CADM2: variants seen among roughly 807,000 people sequenced by gnomAD.
The protein encoded by CADM2 is immunoglobulin superfamily member 4D.
In CADM2, 12 loss-of-function variants were observed where a neutral mutation model predicts 49.8. The ratio of observed to expected loss-of-function variants is 0.24; its 90% CI spans 0.15 to 0.39. The LOEUF (loss-of-function observed/expected upper bound fraction) is 0.39, where lower values mean the gene tolerates loss of function less well. CADM2 is among the 10% of genes least tolerant of loss of function. The pLI is 1.00. For missense variants in CADM2, 378 were observed against 492.3 expected, an observed-to-expected ratio of 0.77 and a Z score of 2.20; for synonymous variants, 214 against 175.4, an observed-to-expected ratio of 1.22 and a Z score of -1.74.
chr3:85,278,564 C>T (rs2043414793), intron 1 of CADM2, among the ~76,000 whole-genome samples: 1 of 151,332 alleles, frequency 6.6e-6, no homozygotes, highest in African/African-American at 2.4e-5. Context: ...TGAGGGCACA[C>T]ATATTATTTT....
intron 3 of CADM2, among the ~76,000 whole-genome samples, chr3:85,821,907 A>G (rs563951180): frequency 9.2e-5 from 14 of 152,314 alleles, no homozygotes; most frequent in South Asian, 6.2e-4. Context: ...GTATTTGTTG[A>G]GTGTGGATAT....
chr3:85,232,361 A>G (rs2042313538), intron 1 of CADM2, among the ~76,000 whole-genome samples: 1 of 152,060 alleles, frequency 6.6e-6, no homozygotes, highest in African/African-American at 2.4e-5. Flanking sequence ...TATATATCTC[A>G]TACAAATATA....
intron 1 of CADM2, among the ~76,000 whole-genome samples, chr3:85,693,566 CAAAAA>C (rs562723713): frequency 2.6e-5 from 2 of 76,120 alleles, no homozygotes. Flanking sequence ...GGCGAAAGAG[CAAAAA>C]AAAAAAAAAA....
At chr3:85,463,025 A>G (rs964916131) in intron 1 of CADM2, among the ~76,000 whole-genome samples, 1 of 152,148 alleles carries the variant, frequency 6.6e-6, no homozygotes, top group Non-Finnish European at 1.5e-5. Flanking sequence ...ACACTATAGT[A>G]CCCACATCAT....
chr3:85,997,695 G>A lies in CADM2; in HGVS notation c.970+36048G>A, dbSNP rs957279628. ...AATAGGGAAAAGATGATGTTTTCAC[G>A]TTTCCTACACAATTCATTTTTAGTT... On this transcript the variant is annotated intron_variant, in intron 8 of 9. Coordinates refer to ENST00000383699, the MANE Select transcript of CADM2 (RefSeq NM_001167675.2). 7.9e-5 allele frequency among the ~76,000 whole-genome samples: 12 copies of A among 152,186 alleles called. No homozygotes were observed. In the East Asian group the frequency reaches 1.5e-3, roughly 20 times the overall value.
chr3:85,240,166 CTT>C (rs1359143659), intron 1 of CADM2, among the ~76,000 whole-genome samples: 1 of 151,256 alleles, frequency 6.6e-6, no homozygotes, highest in Non-Finnish European at 1.5e-5. Flanking sequence ...ATTTTAATAA[CTT>C]ATGTTGTTGC....
intron 8 of CADM2, among the ~76,000 whole-genome samples, chr3:85,985,660 A>G (rs894669296): frequency 3.3e-5 from 5 of 152,166 alleles, no homozygotes; most frequent in African/African-American, 1.2e-4. Flanking sequence ...AATTCTTTAA[A>G]TGTAGATGAA....
rs570736847 is a variant in CADM2 at position 85,813,390 on chromosome 3, G to A, written c.238+11194G>A. Among the ~76,000 whole-genome samples the A allele has an allele frequency of 2.1e-4, 32 of 152,118 alleles. No individual in the cohort carries two copies. The East Asian group carries it at 4.1e-3, about 19-fold the overall frequency. On this transcript the variant is annotated intron_variant, in intron 3 of 9. Coordinates refer to ENST00000383699, the MANE Select transcript of CADM2 (RefSeq NM_001167675.2). Reference sequence around the variant, plus strand: ...TATATGCTTTGCCCACTTTTTGATGGGGTTGTTTGTTTTTTTCTTATAAAT... The same window carrying A: ...TATATGCTTTGCCCACTTTTTGATGAGGTTGTTTGTTTTTTTCTTATAAAT...
chr3:85,455,754 A>T (rs2037961529), intron 1 of CADM2, among the ~76,000 whole-genome samples: 1 of 152,134 alleles, frequency 6.6e-6, no homozygotes, highest in South Asian at 2.1e-4. Flanking sequence ...TAAGTGTTGG[A>T]CAAAAGCCAG....
At chr3:84,974,186 T>C (rs1460780884) in intron 1 of CADM2, among the ~76,000 whole-genome samples, 1 of 150,378 alleles carries the variant, frequency 6.6e-6, no homozygotes, top group African/African-American at 2.5e-5. Flanking sequence ...ATCTCTGGAA[T>C]GGATGATATA....
At chr3:85,445,860 T>C in intron 1 of CADM2, among the ~76,000 whole-genome samples, 1 of 152,104 alleles carries the variant, frequency 6.6e-6, no homozygotes, top group Admixed American at 6.5e-5. Flanking sequence ...AATCTTTTTT[T>C]GAAACAAAAT....
intron 3 of CADM2, among the ~76,000 whole-genome samples, chr3:85,810,864 T>G (rs2072827945): frequency 6.6e-6 from 1 of 152,152 alleles, no homozygotes; most frequent in African/African-American, 2.4e-5. Context: ...AAGAATTTAC[T>G]TCTACTTTTG....
intron 2 of CADM2, among the ~76,000 whole-genome samples, chr3:85,766,957 T>C (rs879745459): frequency 1.3e-5 from 2 of 152,210 alleles, no homozygotes; most frequent in Admixed American, 1.3e-4. Flanking sequence ...CCATCACTTT[T>C]TGTCATAGAT....
At chr3:85,735,158 A>G (rs1056148295) in intron 2 of CADM2, among the ~76,000 whole-genome samples, 8 of 152,136 alleles carry the variant, frequency 5.3e-5, no homozygotes, top group African/African-American at 1.9e-4. Flanking sequence ...ACAATGTAGT[A>G]TCCATTATGA....
intron 1 of CADM2, among the ~76,000 whole-genome samples, chr3:85,500,812 C>T (rs981161398): frequency 1.6e-4 from 25 of 152,166 alleles, no homozygotes; most frequent in African/African-American, 5.8e-4. Flanking sequence ...CCACCGTGCC[C>T]AGCCTGCTAC....
At chr3:86,014,924 G>C in intron 8 of CADM2, 2 of 1,507,008 alleles carry the variant, frequency 1.3e-6, no homozygotes, top group Non-Finnish European at 9.2e-7. Context: ...AGAATGAGTG[G>C]TATGAAAATG....
In CADM2 at chr3:85,370,259, A is replaced by AT. The variant is rs3086129; in HGVS notation, c.62-356263_62-356262insT. On this transcript the variant is annotated intron_variant, in intron 1 of 9. Coordinates refer to ENST00000383699, the MANE Select transcript of CADM2 (RefSeq NM_001167675.2). ...AATAATAATAATAATAATAATAATA[A>AT]AATTTTAAAAAATAACTTGGTGTGG... 3.5e-4 allele frequency among the ~76,000 whole-genome samples: 51 copies of AT among 146,226 alleles called. No individual in the cohort carries two copies. The South Asian group carries it at 7.1e-3, about 20-fold the overall frequency.
intron 6 of CADM2, among the ~76,000 whole-genome samples, chr3:85,926,137 A>AAAAAAAT (rs538432802): frequency 7.0e-6 from 1 of 143,580 alleles, no homozygotes; most frequent in Non-Finnish European, 1.5e-5. Context: ...CTCTGTCTCA[A>AAAAAAAT]AAATAAATAA....
At chr3:85,476,774 A>G (rs2038991761) in intron 1 of CADM2, among the ~76,000 whole-genome samples, 1 of 151,860 alleles carries the variant, frequency 6.6e-6, no homozygotes, top group Non-Finnish European at 1.5e-5. Context: ...TAATCTCTGT[A>G]TCCCTGAAAA....
Sources: gnomAD v4.1 joint callset for allele counts (sites outside exome capture counted in the v4.1 genomes callset) on GRCh38, gnomAD v4.1.1 for gene constraint, MANE v1.5 for transcripts, NCBI Gene and HGNC (gene_info 2026-07-23, HGNC 2026-07-21) for gene names.